Variants in SLC39A10 observed in about 807,000 individuals in gnomAD.
The protein encoded by SLC39A10 is solute carrier family 39 member 10, also known as zinc transporter ZIP10.
SLC39A10 carries 13 observed loss-of-function variants against 65.1 expected under a neutral mutation model. That is an observed-to-expected ratio of 0.20 (90% CI 0.13 to 0.32). SLC39A10 has a LOEUF of 0.32. Ranked by LOEUF, SLC39A10 falls within the 10% of genes least tolerant of loss-of-function variation. The pLI, the probability that SLC39A10 is intolerant of heterozygous loss-of-function variation, is 1.00. For missense variants in SLC39A10, 831 were observed against 1,018.4 expected (o/e 0.82, Z 2.50); for synonymous variants, 321 against 342.2 (o/e 0.94, Z 0.68).
chr2:195,709,035 G>A (rs1478967039), intron 5 of SLC39A10, among the ~76,000 whole-genome samples, 191 bp downstream of exon 5: 1 of 151,748 alleles, frequency 6.6e-6, no homozygotes, highest in African/African-American at 2.4e-5. Context: ...TTGTTGTTTG[G>A]TTTTTTTGAG....
In SLC39A10 at chr2:195,617,714, CTTTTCTTTTCTTTTA is replaced by C. The variant is rs1559003195; in HGVS notation, c.-12+11486_-12+11500del. 2.7e-5 allele frequency among the ~76,000 whole-genome samples: 4 copies of C among 147,176 alleles called. No homozygotes were observed. The Middle Eastern group carries it at 0.014, about 508-fold the overall frequency. On this transcript the variant is annotated intron_variant, in intron 2 of 2. Coordinates refer to the SLC39A10 transcript ENST00000458054. The stretch of plus-strand genomic sequence containing the variant: ...AGTGAGACCTTGTTTCTTTTCTTTT[CTTTTCTTTTCTTTTA>C]TTTTATTTTATTTTACTTTATTTTA...
At position 195,617,437 on chromosome 2, in the gene SLC39A10, C is replaced by T. The variant is rs552669949; in HGVS notation, c.-12+11204C>T. ...ATTAGCCGGGTGTGGTGGCACGCAC[C>T]TGTAGTCCCAGCTACTCGGGAGGCT... On this transcript the variant is annotated intron_variant, in intron 2 of 2. Coordinates refer to the SLC39A10 transcript ENST00000458054. Among the ~76,000 whole-genome samples the T allele has an allele frequency of 2.9e-3, 441 of 152,084 alleles. 7 individuals are homozygous for T. Among genetic ancestry groups the T allele is most frequent in the Non-Finnish European group, 5.3e-3 (358 of 67,994 alleles).
chr2:195,665,664 TGGG>T (rs1206309695), intron 1 of SLC39A10, among the ~76,000 whole-genome samples: 1 of 152,286 alleles, frequency 6.6e-6, no homozygotes. Context: ...TGAAGTTTCT[TGGG>T]GGGAAAAATC....
intron 1 of SLC39A10, among the ~76,000 whole-genome samples, chr2:195,676,027 C>T (rs1179040866): frequency 6.6e-6 from 1 of 151,788 alleles, no homozygotes; most frequent in Non-Finnish European, 1.5e-5. Flanking sequence ...GTTTTACCAA[C>T]CTGTTTTATG....
chr2:195,627,517 A>G (rs1688497692), intron 2 of SLC39A10, among the ~76,000 whole-genome samples: 2 of 152,182 alleles, frequency 1.3e-5, no homozygotes, highest in African/African-American at 2.4e-5. Context: ...ATAACCCAGA[A>G]GACCTGAGTA....
chr2:195,683,985 A>T, intron 3 of SLC39A10, 79 bp downstream of exon 3: 1 of 956,456 alleles, frequency 1.0e-6, no homozygotes, highest in Non-Finnish European at 1.5e-6. Flanking sequence ...TTAGAAAAGA[A>T]TCCTAAATTA....
intron 1 of SLC39A10, among the ~76,000 whole-genome samples, chr2:195,672,216 G>T (rs1465004052): frequency 3.9e-5 from 6 of 152,000 alleles, no homozygotes; most frequent in African/African-American, 1.5e-4. Context: ...CTACAGCCTG[G>T]CCCTCCTGGG....
At chr2:195,691,507 C>T (rs1690738202) in intron 3 of SLC39A10, among the ~76,000 whole-genome samples, 1 of 152,160 alleles carries the variant, frequency 6.6e-6, no homozygotes, top group Admixed American at 6.5e-5. Flanking sequence ...TCCCTTTTCA[C>T]CACATCTATG....
intron 3 of SLC39A10, among the ~76,000 whole-genome samples, chr2:195,702,104 G>GA (rs143401455): frequency 6.6e-6 from 1 of 152,068 alleles, no homozygotes; most frequent in South Asian, 2.1e-4. Flanking sequence ...TCCCAAAAGA[G>GA]AAAAAAAGAA....
chr2:195,654,321 GA>G (rs1156843535), upstream of SLC39A10, among the ~76,000 whole-genome samples: 1 of 152,180 alleles, frequency 6.6e-6, no homozygotes, highest in Non-Finnish European at 1.5e-5. Context: ...CTGTAAGAGG[GA>G]AACCCAGGTT....
intron 1 of SLC39A10, among the ~76,000 whole-genome samples, chr2:195,661,151 T>C (rs191734089): frequency 6.6e-6 from 1 of 152,288 alleles, no homozygotes; most frequent in East Asian, 1.9e-4. Context: ...AAAATCTACT[T>C]TACAGAAAGG....
At position 195,616,003 on chromosome 2, in the gene SLC39A10, T is replaced by A. The variant is rs561133528; in HGVS notation, c.-12+9770T>A. 3.3e-5 allele frequency among the ~76,000 whole-genome samples: 5 copies of A among 152,330 alleles called. No homozygotes were observed. In the East Asian group the frequency reaches 7.7e-4, roughly 24 times the overall value. On this transcript the variant is annotated intron_variant, in intron 2 of 2. Transcript: ENST00000458054. ...TAGCAGTTTCCCGGTTCGCCCAGGCTAGAGTGCAGTGGCAGAATCTTGGCT... is the reference window on the plus strand; with the variant it reads ...TAGCAGTTTCCCGGTTCGCCCAGGCAAGAGTGCAGTGGCAGAATCTTGGCT...
At chr2:195,721,333 C>A (rs1286629755) in intron 8 of SLC39A10, among the ~76,000 whole-genome samples, 4 of 152,180 alleles carry the variant, frequency 2.6e-5, no homozygotes, top group Non-Finnish European at 4.4e-5. Flanking sequence ...TTCATTTCAA[C>A]TAAATGCAAT....
chr2:195,694,051 G>GT (rs1690846493), intron 3 of SLC39A10, among the ~76,000 whole-genome samples: 1 of 152,076 alleles, frequency 6.6e-6, no homozygotes, highest in Admixed American at 6.5e-5. Flanking sequence ...TGATTTCATT[G>GT]TTGACACAAT....
In SLC39A10 at chr2:195,683,912, A is replaced by G. The variant is rs1690428393; in HGVS notation, c.1216+6A>G. 1.2e-6 allele frequency: 2 copies of G among 1,601,454 alleles called. No individual in the cohort carries two copies. Among genetic ancestry groups the G allele is most frequent in the Non-Finnish European group, 8.5e-7 (1 of 1,173,726 alleles). On this transcript the variant is annotated splice_donor_region_variant and intron_variant, in intron 3 of 9. Coordinates refer to ENST00000359634, the MANE Select transcript of SLC39A10 (RefSeq NM_020342.3). ...GGCAAATATAGGGGCATCAGGTAAGAGAGATTTTAAGTTTTTTCTCCTTAA... is the reference window on the plus strand; with the variant it reads ...GGCAAATATAGGGGCATCAGGTAAGGGAGATTTTAAGTTTTTTCTCCTTAA...
intron 2 of SLC39A10, among the ~76,000 whole-genome samples, chr2:195,617,260 T>A (rs947584309): frequency 9.2e-5 from 14 of 152,174 alleles, no homozygotes; most frequent in Admixed American, 7.9e-4. Context: ...TTTTTAAAAA[T>A]TATTTTTTAA....
Position 195,706,782 on chromosome 2 carries a change from C to T in SLC39A10, c.1383C>T (p.Pro461=). Residue 461 remains proline, a synonymous_variant, in exon 4 of 10, where the codon CCC becomes CCT. Coordinates refer to ENST00000359634, the MANE Select transcript of SLC39A10 (RefSeq NM_020342.3). The stretch of plus-strand genomic sequence containing the variant: ...GAGACGCCCTTCTTCATCTACTGCC[C>T]CATGTAAGAAATGTTTTTAATGTTT... ...MSGDALLHLL[P]HSQGGHDHSH... is the part of the protein sequence containing the mutation. 1 of 1,508,650 alleles carries T rather than the reference C, an allele frequency of 6.6e-7. No individual in the cohort carries two copies. Among genetic ancestry groups the T allele is most frequent in the Non-Finnish European group, 8.8e-7 (1 of 1,134,218 alleles). The allele number at this position is 1,508,650 out of a possible 1,614,324, so 93.5% of individuals were successfully genotyped here. A position where few individuals can be genotyped will look rare whatever the true frequency, so the allele number is the denominator to read the frequency against.
At chr2:195,716,571 T>TCTAG (rs1553506094) in intron 6 of SLC39A10, 66 bp from the exon 7 acceptor site, 13 of 1,350,032 alleles carry the variant, frequency 9.6e-6, no homozygotes, top group Non-Finnish European at 1.2e-5. Flanking sequence ...ACTGCTATTC[T>TCTAG]GTTTAAATTA....
chr2:195,630,103 A>ATGTGTGTGTGTG lies in SLC39A10; in HGVS notation c.-12+23890_-12+23901dup, dbSNP rs35865354. Among the ~76,000 whole-genome samples, 1,014 of 131,780 alleles carry ATGTGTGTGTGTG rather than the reference A, an allele frequency of 7.7e-3. 21 individuals carry two copies. Among genetic ancestry groups the ATGTGTGTGTGTG allele is most frequent in the East Asian group, 0.027 (126 of 4,634 alleles). 86.5% of individuals were successfully genotyped at this position (131,780 alleles called of 152,430 possible). ...ACTATATAGAGAAAACTCATTTTAT[A>ATGTGTGTGTGTG]TGTGTGTGTGTGTGTGTGTGTGTGT... On this transcript the variant is annotated intron_variant, in intron 2 of 2. Transcript: ENST00000458054.
Sources: allele counts gnomAD v4.1 joint callset (sites outside exome capture counted in the v4.1 genomes callset), GRCh38; gene constraint gnomAD v4.1.1; transcripts MANE v1.5; gene names NCBI Gene and HGNC (gene_info 2026-07-23, HGNC 2026-07-21).